Variants in TENT5A observed in about 807,000 individuals in gnomAD.
The protein encoded by TENT5A is terminal nucleotidyltransferase 5A.
Under a neutral mutation model 30.2 loss-of-function variants are expected in TENT5A, and 9 were observed. The observed-to-expected ratio is 0.30, with a 90% CI of 0.18 to 0.52. The LOEUF is 0.52. Ranked by LOEUF, TENT5A falls within the 20% of genes least tolerant of loss-of-function variation. The probability of loss-of-function intolerance (pLI) is 0.97; values close to 1 mark genes in which losing one functional copy is unlikely to be tolerated. For missense variants in TENT5A, 411 were observed against 566.1 expected, an observed-to-expected ratio of 0.73 and a Z score of 2.78; for synonymous variants, 264 against 234.2, an observed-to-expected ratio of 1.13 and a Z score of -1.16.
Position 81,746,444 on chromosome 6 carries a change from T to C in TENT5A, c.*3251A>G. ...CCTTCCTTGGTTTGGATTACACATA[T>C]TCTTCCATCCTTGCATTTTTGGAGC... On this transcript the variant is annotated 3_prime_UTR_variant, in exon 3 of 3. Coordinates refer to ENST00000320172, the MANE Select transcript of TENT5A (RefSeq NM_017633.3). The C allele has an allele frequency of 8.1e-7, 1 of 1,231,872 alleles. No homozygotes were observed. The highest frequency in any genetic ancestry group is 1.0e-6 in the Non-Finnish European group (1 of 987,760). 76.3% of individuals were successfully genotyped at this position (1,231,872 alleles called of 1,614,324 possible).
Position 81,751,830 on chromosome 6 carries a change from C to T in TENT5A, c.312G>A (p.Val104=). ...ELQPSLIVKV[V]RRRLAEKRIG... ...TGCGCTTCTCGGCCAGGCGCCGCCG[C>T]ACCACCTTCACGATCAGGCTCGGCT... is the stretch of plus-strand genomic sequence containing the variant. Residue 104 remains valine, a synonymous_variant, in exon 2 of 3, where the codon GTG becomes GTA. Coordinates refer to ENST00000320172, the MANE Select transcript of TENT5A (RefSeq NM_017633.3). The T allele has an allele frequency of 6.2e-7, 1 of 1,612,960 alleles. No homozygotes were observed. The highest frequency in any genetic ancestry group is 8.5e-7 in the Non-Finnish European group (1 of 1,179,862).
At position 81,752,445 on chromosome 6, in the gene TENT5A, C is replaced by T; in HGVS notation, c.-52G>A. Reference sequence around the variant, plus strand: ...GTCTGTGTCACCTGGAGGCGGCCGCCCCTTCTAGGAGCGCAGCGAGCGAGA... The same window carrying T: ...GTCTGTGTCACCTGGAGGCGGCCGCTCCTTCTAGGAGCGCAGCGAGCGAGA... On this transcript the variant is annotated 5_prime_UTR_variant, in exon 1 of 3. Coordinates refer to ENST00000320172, the MANE Select transcript of TENT5A (RefSeq NM_017633.3). 8 of 1,550,174 alleles carry T rather than the reference C, an allele frequency of 5.2e-6. No individual in the cohort carries two copies. The highest frequency in any genetic ancestry group is 7.0e-6 in the Non-Finnish European group (8 of 1,146,864).
chr6:81,752,255 C>T (rs943392550), intron 1 of TENT5A, 77 bp from the exon 2 acceptor site: 3 of 1,477,942 alleles, frequency 2.0e-6, no homozygotes, highest in Admixed American at 5.3e-5. Flanking sequence ...AGCAGAGGCC[C>T]GCCAGGAAAA....
Position 81,750,195 on chromosome 6 carries a change from T to C in TENT5A, c.829A>G (p.Asn277Asp). 1 of 1,614,152 alleles carries C rather than the reference T, an allele frequency of 6.2e-7. No homozygotes were observed. Among genetic ancestry groups the C allele is most frequent in the Non-Finnish European group, 8.5e-7 (1 of 1,180,012 alleles). Reference protein sequence around the residue: ...DFQEAFDHLCNKIIATRNPEE... With the variant: ...DFQEAFDHLCDKIIATRNPEE... ...GGGTTCCTGGTGGCAATGATCTTGT[T>C]ACAAAGGTGATCAAAGGCTTCCTGG... The change falls in exon 3 of 3, where the codon AAC becomes GAC. Residue 277 changes from asparagine to aspartate, a missense_variant. Asn to Asp is a conservative substitution (Grantham distance 23). Coordinates refer to ENST00000320172, the MANE Select transcript of TENT5A (RefSeq NM_017633.3). The surrounding 1 kb of genome is among the most constrained non-coding windows in gnomAD (Gnocchi z 4.2).
In TENT5A at chr6:81,750,553, G is replaced by A. The variant is rs1052233713; in HGVS notation, c.553-82C>T. 6 of 873,358 alleles carry A rather than the reference G, an allele frequency of 6.9e-6. No individual in the cohort carries two copies. Among genetic ancestry groups the A allele is most frequent in the African/African-American group, 5.2e-5 (3 of 58,022 alleles). 54.1% of individuals were successfully genotyped at this position (873,358 alleles called of 1,614,324 possible). Reference sequence around the variant, plus strand: ...ATAAATACATCCTCTTCACAGCTGAGAATTATTTTGCTCTTTCCCTTTTGT... The same window carrying A: ...ATAAATACATCCTCTTCACAGCTGAAAATTATTTTGCTCTTTCCCTTTTGT... On this transcript the variant is annotated intron_variant, in intron 2 of 2. Coordinates refer to ENST00000320172, the MANE Select transcript of TENT5A (RefSeq NM_017633.3). This position sits in a 1 kb window ranked among gnomAD's most constrained non-coding sequence, Gnocchi z 4.2.
rs143180222 is a variant in TENT5A, at chr6:81,751,643, C to T, written c.499G>A (p.Asp167Asn). 2 of 1,614,024 alleles carry T rather than the reference C, an allele frequency of 1.2e-6. No homozygotes were observed. Among genetic ancestry groups the T allele is most frequent in the African/African-American group, 2.7e-5 (2 of 75,036 alleles). The stretch of plus-strand genomic sequence containing the variant: ...TTGTTCACCCCCTCGGGTAAGAAGT[C>T]CAACAGGCAGTCCAGCACGACGTCC... ...VKDVVLDCLL[D>N]FLPEGVNKEK... The change falls in exon 2 of 3, where the codon GAC becomes AAC. Residue 167 changes from aspartate to asparagine, a missense_variant. By Grantham distance (23) the Asp-to-Asn change is conservative. This residue lies in a region of TENT5A where 157 missense variants were observed against 183.2 expected (regional missense o/e 0.86). Transcript: ENST00000320172.
At chr6:81,752,309 G>C (rs1177325012) in intron 1 of TENT5A, 122 bp downstream of exon 1, 4 of 1,533,404 alleles carry the variant, frequency 2.6e-6, no homozygotes, top group East Asian at 2.5e-5. Context: ...GGGCCTCCTC[G>C]GAGACTCCCT....
rs756936487 is a variant in TENT5A, at chr6:81,750,085, G to A, written c.939C>T (p.Thr313=). Residue 313 remains threonine (T), a synonymous_variant, in exon 3 of 3, where the codon ACC becomes ACT. Coordinates refer to ENST00000320172, the MANE Select transcript of TENT5A (RefSeq NM_017633.3). The surrounding 1 kb of genome is among the most constrained non-coding windows in gnomAD (Gnocchi z 4.2). ...ACCTGGAACACATATACCTTTGAAG[G>A]GTCTTGATTTCATCAGAGGCGGGCC... The part of the protein sequence containing the change: ...GFRPASDEIK[T]LQRYMCSRFF... The A allele has an allele frequency of 5.6e-6, 9 of 1,613,980 alleles. No homozygotes were observed. In the South Asian group the frequency reaches 9.9e-5, roughly 18 times the overall value.
Position 81,749,276 on chromosome 6 carries a change from A to G in TENT5A, c.*419T>C. 1.0e-6 allele frequency: 1 copy of G among 992,692 alleles called. No individual in the cohort carries two copies. The highest frequency in any genetic ancestry group is 1.2e-6 in the Non-Finnish European group (1 of 834,996). The allele number at this position is 992,692 out of a possible 1,614,324, so 61.5% of individuals were successfully genotyped here. A position where few individuals can be genotyped will look rare whatever the true frequency, so the allele number is the denominator to read the frequency against. On this transcript the variant is annotated 3_prime_UTR_variant, in exon 3 of 3. Coordinates refer to ENST00000320172, the MANE Select transcript of TENT5A (RefSeq NM_017633.3). ...AAACTGATTCACAAGTTGGAGTGAG[A>G]CCTTTTTTCCTCCGTATTTTCCCTT...
At chr6:81,751,526 C>T in intron 2 of TENT5A, 64 bp downstream of exon 2, 3 of 1,440,638 alleles carry the variant, frequency 2.1e-6, no homozygotes, top group Admixed American at 2.1e-5. Flanking sequence ...TGCCCCTCTG[C>T]CCGCTCCCCG....
Position 81,752,674 on chromosome 6 carries a change from A to G in TENT5A, c.-281T>C. 1.4e-6 allele frequency: 1 copy of G among 717,670 alleles called. No homozygotes were observed. Among genetic ancestry groups the G allele is most frequent in the Non-Finnish European group, 2.6e-6 (1 of 385,390 alleles). 44.5% of individuals were successfully genotyped at this position (717,670 alleles called of 1,614,324 possible). ...ACGCTCGTGTCTCTGGAGCTTTAGC[A>G]GTTGTGCGGGGAAAATGTCTTCAGT... On this transcript the variant is annotated 5_prime_UTR_variant, in exon 1 of 3. Transcript: ENST00000320172.
rs1769013322 is a variant in TENT5A at position 81,750,678 on chromosome 6, G to T, written c.553-207C>A. 3.3e-5 allele frequency among the ~76,000 whole-genome samples: 5 copies of T among 152,346 alleles called. No individual in the cohort carries two copies. In the South Asian group the frequency reaches 1.0e-3, roughly 32 times the overall value. Reference sequence around the variant, plus strand: ...GAGTAGTTTTACTGTCTGGGAAAGGGACTAGAGGTAATAGTTTGAGGCTTT... The same window carrying T: ...GAGTAGTTTTACTGTCTGGGAAAGGTACTAGAGGTAATAGTTTGAGGCTTT... On this transcript the variant is annotated intron_variant, in intron 2 of 2. Transcript: ENST00000320172. The surrounding 1 kb of genome is among the most constrained non-coding windows in gnomAD (Gnocchi z 4.2).
rs566686335 is a variant in TENT5A, at chr6:81,746,534, G to A, written c.*3161C>T. On this transcript the variant is annotated 3_prime_UTR_variant, in exon 3 of 3. Coordinates refer to ENST00000320172, the MANE Select transcript of TENT5A (RefSeq NM_017633.3). ...TTGATCCCATTTCTGGAAAGGAAAT[G>A]TCCATCTTGGTGTAGGAGTTCTTGA... 3.2e-6 allele frequency: 4 copies of A among 1,232,098 alleles called. No individual in the cohort carries two copies. In the South Asian group the frequency reaches 1.6e-4, roughly 51 times the overall value. The allele number at this position is 1,232,098 out of a possible 1,614,324, so 76.3% of individuals were successfully genotyped here. A position where few individuals can be genotyped will look rare whatever the true frequency, so the allele number is the denominator to read the frequency against.
chr6:81,751,097 A>T (rs918711386), intron 2 of TENT5A, among the ~76,000 whole-genome samples: 3 of 152,224 alleles, frequency 2.0e-5, no homozygotes, highest in African/African-American at 7.2e-5. Flanking sequence ...CAGCACGAAG[A>T]ACCACCAGAT....
Position 81,748,060 on chromosome 6 carries a change from A to G in TENT5A, c.*1635T>C. The G allele has an allele frequency of 1.0e-6, 1 of 970,612 alleles. No individual in the cohort carries two copies. Among genetic ancestry groups the G allele is most frequent in the Non-Finnish European group, 1.2e-6 (1 of 816,494 alleles). The allele number at this position is 970,612 out of a possible 1,614,324, so 60.1% of individuals were successfully genotyped here. A position where few individuals can be genotyped will look rare whatever the true frequency, so the allele number is the denominator to read the frequency against. ...GTTATATATAATATATATCTCATATATAAATTTTAAGCAATTGTGCAAATA... is the reference window on the plus strand; with the variant it reads ...GTTATATATAATATATATCTCATATGTAAATTTTAAGCAATTGTGCAAATA... On this transcript the variant is annotated 3_prime_UTR_variant, in exon 3 of 3. Transcript: ENST00000320172.
Position 81,747,102 on chromosome 6 carries a change from A to T in TENT5A, c.*2593T>A. 1.0e-6 allele frequency: 1 copy of T among 985,050 alleles called. No individual in the cohort carries two copies. The highest frequency in any genetic ancestry group is 4.7e-5 in the South Asian group (1 of 21,290). 61.0% of individuals were successfully genotyped at this position (985,050 alleles called of 1,614,324 possible). Reference sequence around the variant, plus strand: ...AAACAAAAATCTGTGTTATAAATTAACAGCAGGTTATTGTTATGGCAGAGT... The same window carrying T: ...AAACAAAAATCTGTGTTATAAATTATCAGCAGGTTATTGTTATGGCAGAGT... On this transcript the variant is annotated 3_prime_UTR_variant, in exon 3 of 3. Transcript: ENST00000320172.
At position 81,747,653 on chromosome 6, in the gene TENT5A, GA is replaced by G. The variant is rs1768913352; in HGVS notation, c.*2041del. The G allele has an allele frequency of 1.0e-6, 1 of 985,598 alleles. No individual in the cohort carries two copies. Among genetic ancestry groups the G allele is most frequent in the Admixed American group, 6.1e-5 (1 of 16,274 alleles). 61.1% of individuals were successfully genotyped at this position (985,598 alleles called of 1,614,324 possible). ...CCGTGGTCTCTCTTTAACTGATGATGAAAATCTTCTAATTGGGTCTTCGAGG... is the reference window on the plus strand; with the variant it reads ...CCGTGGTCTCTCTTTAACTGATGATGAAATCTTCTAATTGGGTCTTCGAGG... On this transcript the variant is annotated 3_prime_UTR_variant, in exon 3 of 3. Coordinates refer to ENST00000320172, the MANE Select transcript of TENT5A (RefSeq NM_017633.3).
chr6:81,751,559 C>A, intron 2 of TENT5A, 31 bp downstream of exon 2: 1 of 1,569,500 alleles, frequency 6.4e-7, no homozygotes, highest in South Asian at 1.2e-5. Flanking sequence ...CAGACTGGGT[C>A]AGGACCCAAG....
Position 81,752,025 on chromosome 6 carries a change from GCCGCCGAAGTCGC to G in TENT5A, c.104_116del (p.Gly35AlafsTer28). 9.2e-7 allele frequency: 1 copy of G among 1,081,264 alleles called. No individual in the cohort carries two copies. The highest frequency in any genetic ancestry group is 1.8e-5 in the South Asian group (1 of 54,404). The allele number at this position is 1,081,264 out of a possible 1,614,324, so 67.0% of individuals were successfully genotyped here. On this transcript the variant is annotated frameshift_variant, in exon 2 of 3. Transcript: ENST00000320172. LOFTEE classifies it high-confidence loss of function. ...AGCTGCCGCCACCGCCGAAGTCGCC[GCCGCCGAAGTCGC>G]CGCCGCCGAAGTCGCCGCCGCCGAA... is the stretch of plus-strand genomic sequence containing the variant.
Sources: gnomAD v4.1 joint callset for allele counts (sites outside exome capture counted in the v4.1 genomes callset) on GRCh38, gnomAD v4.1.1 for gene constraint, gnomAD v4.1.1 regional missense constraint, Gnocchi (gnomAD v3.1) non-coding constraint, MANE v1.5 for transcripts, NCBI Gene and HGNC (gene_info 2026-07-23, HGNC 2026-07-21) for gene names.